Variants in SGCZ observed in about 807,000 individuals in gnomAD.
The protein encoded by SGCZ is zeta-sarcoglycan.
SGCZ carries 40 observed loss-of-function variants against 41.3 expected under a neutral mutation model. That is an observed-to-expected ratio of 0.97 (90% CI 0.75 to 1.26). The LOEUF is 1.26. SGCZ is among the 50% of genes most tolerant of loss of function. SGCZ has a pLI of 0.00. For missense variants in SGCZ, 552 were observed against 369.8 expected (o/e 1.49, Z -4.04); for synonymous variants, 206 against 137.5 (o/e 1.50, Z -3.49).
intron 1 of SGCZ, among the ~76,000 whole-genome samples, chr8:14,919,684 G>A (rs1799535442): frequency 6.6e-6 from 1 of 152,128 alleles, no homozygotes; most frequent in South Asian, 2.1e-4. Context: ...TTGGGAGGAC[G>A]AGGCAGGCAG....
intron 1 of SGCZ, among the ~76,000 whole-genome samples, chr8:14,868,441 C>T (rs576659949): frequency 5.9e-5 from 9 of 152,186 alleles, no homozygotes; most frequent in Admixed American, 2.6e-4. Flanking sequence ...TACCCAATTC[C>T]ATTATGAAAC....
At chr8:15,086,944 G>A (rs1271436606) in intron 1 of SGCZ, among the ~76,000 whole-genome samples, 2 of 152,098 alleles carry the variant, frequency 1.3e-5, no homozygotes, top group African/African-American at 4.8e-5. Flanking sequence ...CTATAGGCAA[G>A]TTTTGGTGAA....
chr8:14,800,892 C>A (rs1437411550), intron 1 of SGCZ, among the ~76,000 whole-genome samples: 2 of 130,184 alleles, frequency 1.5e-5, no homozygotes, highest in Non-Finnish European at 3.3e-5. Context: ...ACCACACAAG[C>A]AAACAAAAAA....
intron 1 of SGCZ, among the ~76,000 whole-genome samples, chr8:15,085,185 G>A (rs1279548284): frequency 6.6e-6 from 1 of 152,070 alleles, no homozygotes; most frequent in Non-Finnish European, 1.5e-5. Context: ...TTTGACCCAG[G>A]TTTATTTAAC....
chr8:15,041,955 C>T (rs1482080115), intron 1 of SGCZ, among the ~76,000 whole-genome samples: 1 of 152,084 alleles, frequency 6.6e-6, no homozygotes, highest in Non-Finnish European at 1.5e-5. Context: ...CCATACAACA[C>T]AACGCTGTAC....
chr8:14,324,354 TG>T, intron 2 of SGCZ, 150 bp from the exon 3 acceptor site: 1 of 656,776 alleles, frequency 1.5e-6, no homozygotes, highest in Non-Finnish European at 2.7e-6. Flanking sequence ...AATTAATGTT[TG>T]CAGCCCTTTG....
At chr8:14,433,645 A>T (rs1216861669) in intron 2 of SGCZ, among the ~76,000 whole-genome samples, 1 of 152,200 alleles carries the variant, frequency 6.6e-6, no homozygotes, top group African/African-American at 2.4e-5. Flanking sequence ...ATTTAGAAAA[A>T]AAAATAAAAA....
chr8:14,567,486 C>A (rs1208488628), intron 1 of SGCZ, among the ~76,000 whole-genome samples: 1 of 152,034 alleles, frequency 6.6e-6, no homozygotes, highest in East Asian at 1.9e-4. Flanking sequence ...CCAATCAGCA[C>A]CCTGTCAAAA....
intron 5 of SGCZ, among the ~76,000 whole-genome samples, chr8:14,139,600 G>T (rs1488956763): frequency 2.0e-5 from 3 of 151,988 alleles, no homozygotes; most frequent in Non-Finnish European, 4.4e-5. Flanking sequence ...AGAAAATGAT[G>T]AATTCCTGGA....
intron 5 of SGCZ, among the ~76,000 whole-genome samples, chr8:14,111,643 T>A (rs1312661793): frequency 6.6e-6 from 1 of 152,162 alleles, no homozygotes; most frequent in Non-Finnish European, 1.5e-5. Flanking sequence ...CTCACTACAA[T>A]GTTACAAGAC....
chr8:14,334,998 G>C (rs1011242694), intron 2 of SGCZ, among the ~76,000 whole-genome samples: 2 of 152,032 alleles, frequency 1.3e-5, no homozygotes, highest in African/African-American at 4.8e-5. Context: ...TTCTGAGCTG[G>C]GACTGAGGAA....
At chr8:15,123,558 C>G (rs1053878651) in intron 1 of SGCZ, among the ~76,000 whole-genome samples, 1 of 152,122 alleles carries the variant, frequency 6.6e-6, no homozygotes, top group Non-Finnish European at 1.5e-5. Flanking sequence ...GAAGTTATTA[C>G]GATTTGATCA....
intron 2 of SGCZ, among the ~76,000 whole-genome samples, chr8:14,442,856 G>T (rs565792018): frequency 4.6e-5 from 7 of 152,214 alleles, no homozygotes; most frequent in African/African-American, 1.7e-4. Context: ...ATTATTGTCT[G>T]TCTAATCTTA....
At chr8:14,256,661 A>G (rs911618298) in intron 3 of SGCZ, among the ~76,000 whole-genome samples, 1 of 152,106 alleles carries the variant, frequency 6.6e-6, no homozygotes, top group Non-Finnish European at 1.5e-5. Context: ...ACCATAACCA[A>G]TATTTCTAAA....
chr8:14,324,244 G>A (rs1482978405), intron 2 of SGCZ, 40 bp from the exon 3 acceptor site: 2 of 1,426,722 alleles, frequency 1.4e-6, no homozygotes, highest in African/African-American at 2.8e-5. Flanking sequence ...AGGTTAATTG[G>A]AGAATGAATA....
intron 1 of SGCZ, among the ~76,000 whole-genome samples, chr8:15,219,521 C>T (rs536518490): frequency 5.3e-4 from 80 of 152,106 alleles, no homozygotes; most frequent in Non-Finnish European, 9.9e-4. Context: ...TCTTTTATGT[C>T]TATGATGGGA....
rs1415451319 is a variant in SGCZ, at chr8:14,934,005, T to A, written c.39+303580A>T. 5.9e-5 allele frequency among the ~76,000 whole-genome samples: 9 copies of A among 151,950 alleles called. 1 individual carries two copies. Among genetic ancestry groups the A allele is most frequent in the Admixed American group, 5.9e-4 (9 of 15,260 alleles). On this transcript the variant is annotated intron_variant, in intron 1 of 7. Coordinates refer to ENST00000382080, the MANE Select transcript of SGCZ (RefSeq NM_139167.4). ...TCATAATTACCAACAGGCCCTCTTATCGATGTGTTTCTCAATTATCAGAAT... is the reference window on the plus strand; with the variant it reads ...TCATAATTACCAACAGGCCCTCTTAACGATGTGTTTCTCAATTATCAGAAT...
At chr8:14,760,407 A>G (rs1799829308) in intron 1 of SGCZ, among the ~76,000 whole-genome samples, 1 of 152,242 alleles carries the variant, frequency 6.6e-6, no homozygotes, top group African/African-American at 2.4e-5. Flanking sequence ...GAAAATCATA[A>G]AAGTATCCAC....
chr8:15,122,956 G>C (rs1807542756), intron 1 of SGCZ, among the ~76,000 whole-genome samples: 1 of 152,124 alleles, frequency 6.6e-6, no homozygotes, highest in South Asian at 2.1e-4. Context: ...TTCAATGTGA[G>C]TCATATTAAG....
Sources: gnomAD v4.1 joint callset for allele counts (sites outside exome capture counted in the v4.1 genomes callset) on GRCh38, gnomAD v4.1.1 for gene constraint, MANE v1.5 for transcripts, NCBI Gene and HGNC (gene_info 2026-07-23, HGNC 2026-07-21) for gene names.